The following UNC5C variants were observed in gnomAD, a reference collection of about 807,000 sequenced individuals.
The protein encoded by UNC5C is unc-5 netrin receptor C.
In UNC5C, 47 loss-of-function variants were observed where a neutral mutation model predicts 99.8. The observed-to-expected ratio is 0.47, with a 90% CI of 0.37 to 0.60. UNC5C has a LOEUF of 0.60. Among genes scored for constraint, UNC5C ranks in the 20% least tolerant of loss-of-function variants. The probability of loss-of-function intolerance (pLI) is 0.00; values close to 1 mark genes in which losing one functional copy is unlikely to be tolerated. For missense variants in UNC5C, 1,062 were observed against 1,165.9 expected, an observed-to-expected ratio of 0.91 and a Z score of 1.30; for synonymous variants, 487 against 452.2, an observed-to-expected ratio of 1.08 and a Z score of -0.98.
At chr4:95,348,749 T>TA (rs1743873059) in intron 1 of UNC5C, among the ~76,000 whole-genome samples, 1 of 151,036 alleles carries the variant, frequency 6.6e-6, no homozygotes, top group African/African-American at 2.4e-5. Flanking sequence ...CTACAATCTA[T>TA]AAAAAAGATT....
intron 1 of UNC5C, among the ~76,000 whole-genome samples, chr4:95,390,315 C>T (rs1745320364): frequency 6.6e-6 from 1 of 151,882 alleles, no homozygotes; most frequent in Non-Finnish European, 1.5e-5. Context: ...CAGGCACATT[C>T]CCCAGAAGTT....
chr4:95,444,771 G>T (rs265026), intron 1 of UNC5C, among the ~76,000 whole-genome samples: 125,629 of 152,090 alleles, frequency 0.83, 52,639 homozygotes, highest in Non-Finnish European at 0.9. Context: ...TGTATTCAGA[G>T]CTCTTGGGCT....
chr4:95,410,858 T>C (rs762771230), intron 1 of UNC5C, among the ~76,000 whole-genome samples: 2 of 152,152 alleles, frequency 1.3e-5, no homozygotes, highest in Non-Finnish European at 2.9e-5. Flanking sequence ...AGCCTAGCTC[T>C]GCCTCAGGGT....
At chr4:95,396,511 G>T (rs1035870648) in intron 1 of UNC5C, among the ~76,000 whole-genome samples, 1 of 152,150 alleles carries the variant, frequency 6.6e-6, no homozygotes. Context: ...TTTCTAGGCA[G>T]ACAGGGATGG....
At chr4:95,226,427 A>T (rs1247916734) in intron 7 of UNC5C, among the ~76,000 whole-genome samples, 1 of 152,230 alleles carries the variant, frequency 6.6e-6, no homozygotes, top group Non-Finnish European at 1.5e-5. Flanking sequence ...GTAATCAAGA[A>T]ATGACCAACA....
intron 1 of UNC5C, among the ~76,000 whole-genome samples, chr4:95,372,311 T>C (rs1744771724): frequency 6.6e-6 from 1 of 152,228 alleles, no homozygotes; most frequent in South Asian, 2.1e-4. Context: ...CTACATTACC[T>C]AAAGTAAATT....
chr4:95,228,321 T>TA (rs1738771799), intron 7 of UNC5C, among the ~76,000 whole-genome samples: 1 of 152,212 alleles, frequency 6.6e-6, no homozygotes, highest in Non-Finnish European at 1.5e-5. Flanking sequence ...TACTACTTTT[T>TA]AAAAAAATAA....
chr4:95,320,432 AAAAAAAG>A (rs962565759), intron 2 of UNC5C, among the ~76,000 whole-genome samples: 5 of 147,752 alleles, frequency 3.4e-5, no homozygotes, highest in African/African-American at 1.2e-4. Context: ...CAAAAAAAAA[AAAAAAAG>A]AAAAGAAAAG....
chr4:95,249,134 A>T (rs1258971758), intron 5 of UNC5C, among the ~76,000 whole-genome samples: 4 of 152,226 alleles, frequency 2.6e-5, no homozygotes, highest in Admixed American at 6.5e-5. Context: ...GCCTAGGAGT[A>T]ATAGGCTATA....
intron 1 of UNC5C, among the ~76,000 whole-genome samples, chr4:95,490,200 T>C (rs1721443487): frequency 6.6e-6 from 1 of 151,408 alleles, no homozygotes; most frequent in East Asian, 2.0e-4. Flanking sequence ...TTCCAGAAGA[T>C]GGAAGGGGTC....
At chr4:95,194,338 A>G (rs557665866) in intron 12 of UNC5C, among the ~76,000 whole-genome samples, 1 of 152,172 alleles carries the variant, frequency 6.6e-6, no homozygotes, top group Admixed American at 6.5e-5. Context: ...TTAAACTTCT[A>G]TATTAGTTTT....
chr4:95,338,526 G>A (rs1270839497), intron 1 of UNC5C, among the ~76,000 whole-genome samples: 1 of 152,018 alleles, frequency 6.6e-6, no homozygotes, highest in Non-Finnish European at 1.5e-5. Flanking sequence ...GCATTTGCCA[G>A]TCATACAAGT....
intron 1 of UNC5C, among the ~76,000 whole-genome samples, chr4:95,537,043 C>CACTACGGTTAA (rs1191794029): frequency 2.6e-5 from 4 of 152,160 alleles, no homozygotes; most frequent in African/African-American, 9.7e-5. Context: ...TCTGCCACCC[C>CACTACGGTTAA]ACTACGGTTA....
chr4:95,488,192 T>C (rs970144987), intron 1 of UNC5C, among the ~76,000 whole-genome samples: 6 of 151,746 alleles, frequency 4.0e-5, no homozygotes, highest in Non-Finnish European at 8.8e-5. Flanking sequence ...GGAATACTGA[T>C]ATTAAGGTTA....
intron 7 of UNC5C, among the ~76,000 whole-genome samples, chr4:95,231,990 T>G (rs937714725): frequency 2.6e-5 from 4 of 152,292 alleles, no homozygotes; most frequent in African/African-American, 7.2e-5. Flanking sequence ...CACACCTCAC[T>G]AAGCTGGTTC....
At chr4:95,374,468 G>C (rs557884635) in intron 1 of UNC5C, among the ~76,000 whole-genome samples, 1 of 152,028 alleles carries the variant, frequency 6.6e-6, no homozygotes, top group African/African-American at 2.4e-5. Context: ...CACATGCTCT[G>C]TCCACACCCC....
intron 1 of UNC5C, among the ~76,000 whole-genome samples, chr4:95,486,425 A>G (rs1200262269): frequency 1.3e-5 from 2 of 151,512 alleles, no homozygotes; most frequent in Non-Finnish European, 2.9e-5. Flanking sequence ...ATACTCTGGC[A>G]TCTCTTCTTG....
intron 2 of UNC5C, among the ~76,000 whole-genome samples, chr4:95,323,441 T>A (rs531349408): frequency 1.3e-5 from 2 of 152,256 alleles, no homozygotes; most frequent in Non-Finnish European, 1.5e-5. Context: ...CGTAAGTAGG[T>A]CCACAAAGTC....
At chr4:95,193,551 T>TCTGCCATCAGATTTCATGGAAC in intron 12 of UNC5C, among the ~76,000 whole-genome samples, 2 of 152,162 alleles carry the variant, frequency 1.3e-5, no homozygotes, top group Non-Finnish European at 2.9e-5. Flanking sequence ...AAAAATCACA[T>TCTGCCATCAGATTTCATGGAAC]CTGCCATCAG....
Sources: allele counts gnomAD v4.1 joint callset (sites outside exome capture counted in the v4.1 genomes callset), GRCh38; gene constraint gnomAD v4.1.1; transcripts MANE v1.5; gene names NCBI Gene and HGNC (gene_info 2026-07-23, HGNC 2026-07-21).